The following CD163L1 variants were observed in gnomAD, a reference collection of about 807,000 sequenced individuals.
The protein encoded by CD163L1 is CD163 molecule like 1.
In CD163L1, 124 loss-of-function variants were observed where a neutral mutation model predicts 165.4. That is an observed-to-expected ratio of 0.75 (90% CI 0.65 to 0.87). The LOEUF is 0.87. Among genes scored for constraint, CD163L1 ranks in the 40% least tolerant of loss-of-function variants. CD163L1 has a pLI of 0.00. For synonymous variants in CD163L1, 585 were observed against 662.2 expected, an observed-to-expected ratio of 0.88 and a Z score of 1.79; for missense variants, 1,525 against 1,799.9, an observed-to-expected ratio of 0.85 and a Z score of 2.76.
In CD163L1 at chr12:7,372,743, T is replaced by C. The variant is rs1193997167; in HGVS notation, c.3730+577A>G. ...ACAAAAGGAAGACTAATAGTTAATG[T>C]TTCTGAATATTAGTAATGGTTATTT... On this transcript the variant is annotated intron_variant, in intron 14 of 19. Transcript: ENST00000313599. This position sits in a 1 kb window ranked among gnomAD's most constrained non-coding sequence, Gnocchi z 4.2. 1.3e-5 allele frequency among the ~76,000 whole-genome samples: 2 copies of C among 151,906 alleles called. 1 individual carries two copies. The highest frequency in any genetic ancestry group is 3.8e-4 in the East Asian group (2 of 5,198).
rs778624264 is a variant in CD163L1 at position 7,400,231 on chromosome 12, T to A, written c.1409-1647A>T. ...GCTACGGACATCCTTACACATAAAGTTTTGAGTATGTCACCAAGTGCTTCC... is the reference window on the plus strand; with the variant it reads ...GCTACGGACATCCTTACACATAAAGATTTGAGTATGTCACCAAGTGCTTCC... On this transcript the variant is annotated intron_variant, in intron 6 of 19. Transcript: ENST00000313599. This position sits in a 1 kb window ranked among gnomAD's most constrained non-coding sequence, Gnocchi z 4.1. Among the ~76,000 whole-genome samples, 13 of 152,294 alleles carry A rather than the reference T, an allele frequency of 8.5e-5. No homozygotes were observed. In the South Asian group the frequency reaches 1.7e-3, roughly 19 times the overall value.
At position 7,432,739 on chromosome 12, in the gene CD163L1, A is replaced by G; in HGVS notation, c.446-3T>C. The G allele has an allele frequency of 6.3e-7, 1 of 1,586,442 alleles. No individual in the cohort carries two copies. The highest frequency in any genetic ancestry group is 8.6e-7 in the Non-Finnish European group (1 of 1,166,932). On this transcript the variant is annotated splice_region_variant and splice_polypyrimidine_tract_variant and intron_variant, in intron 3 of 19. Transcript: ENST00000313599. This position sits in a 1 kb window ranked among gnomAD's most constrained non-coding sequence, Gnocchi z 4.2. ...CCTCAAACCCAGATTGGCTTCACCT[A>G]CGAGAAAGACAAGCAGACATATGAA...
chr12:7,411,389 A>G (rs1948135562), intron 4 of CD163L1, among the ~76,000 whole-genome samples: 1 of 152,138 alleles, frequency 6.6e-6, no homozygotes, highest in Non-Finnish European at 1.5e-5. Flanking sequence ...CTGAGGTTGA[A>G]ATGTGATTCC....
At chr12:7,342,245 G>A (rs1475975667), downstream of CD163L1, among the ~76,000 whole-genome samples, 2 of 152,212 alleles carry the variant, frequency 1.3e-5, no homozygotes, top group Non-Finnish European at 2.9e-5. Context: ...TGAGGGCAGG[G>A]AACAGCTGAC....
intron 18 of CD163L1, among the ~76,000 whole-genome samples, chr12:7,365,450 A>G (rs1946993970): frequency 6.6e-6 from 1 of 152,184 alleles, no homozygotes; most frequent in Non-Finnish European, 1.5e-5. Flanking sequence ...CTGCCAGCAA[A>G]GGAAACAATC....
chr12:7,337,030 A>G, the CD163L1 span, among the ~76,000 whole-genome samples: 1 of 152,192 alleles, frequency 6.6e-6, no homozygotes. Context: ...ATCGAGAACC[A>G]TCTGATCTTC....
At chr12:7,403,914 C>A in intron 5 of CD163L1, 59 bp from the exon 6 acceptor site, 1 of 1,432,788 alleles carries the variant, frequency 7.0e-7, no homozygotes, top group Non-Finnish European at 9.7e-7. Flanking sequence ...CATCAGCATC[C>A]CTCTCCTCCA....
intron 4 of CD163L1, among the ~76,000 whole-genome samples, chr12:7,421,066 TATATATAC>T (rs1948355815): frequency 9.3e-6 from 1 of 107,348 alleles, no homozygotes; most frequent in East Asian, 3.3e-4. Context: ...CGTATATATG[TATATATAC>T]GTATATATAT....
chr12:7,375,185 C>T (rs1488442601), intron 11 of CD163L1, 96 bp downstream of exon 11: 16 of 1,252,560 alleles, frequency 1.3e-5, no homozygotes, highest in Non-Finnish European at 1.8e-5. Flanking sequence ...TCCACCTGCA[C>T]CCCCATTTTC....
intron 4 of CD163L1, among the ~76,000 whole-genome samples, chr12:7,430,234 A>G (rs1160426786): frequency 6.6e-6 from 1 of 152,184 alleles, no homozygotes; most frequent in Non-Finnish European, 1.5e-5. Flanking sequence ...GAAAAAATAG[A>G]AGAAATTAGA....
intron 8 of CD163L1, among the ~76,000 whole-genome samples, chr12:7,390,748 G>T (rs749827857): frequency 6.6e-6 from 1 of 152,248 alleles, no homozygotes; most frequent in South Asian, 2.1e-4. Context: ...TCTTAGAAAA[G>T]AATGTATAGA....
downstream of CD163L1, among the ~76,000 whole-genome samples, chr12:7,343,119 G>C (rs775352079): frequency 1.3e-5 from 2 of 152,280 alleles, no homozygotes. Flanking sequence ...GGAAGAGAGA[G>C]AGAGAGAAGG....
At chr12:7,338,703 A>C in the CD163L1 span, among the ~76,000 whole-genome samples, 1 of 152,096 alleles carries the variant, frequency 6.6e-6, no homozygotes, top group Non-Finnish European at 1.5e-5. Context: ...TGGAAGGGAA[A>C]CTGCCTGAGA....
chr12:7,333,233 G>C, the CD163L1 span, among the ~76,000 whole-genome samples: 11 of 152,128 alleles, frequency 7.2e-5, no homozygotes, highest in Non-Finnish European at 1.2e-4. Context: ...TGACCGCATA[G>C]TTGGAAGTAA....
At chr12:7,417,341 A>G (rs906271864) in intron 4 of CD163L1, among the ~76,000 whole-genome samples, 1 of 152,166 alleles carries the variant, frequency 6.6e-6, no homozygotes, top group Admixed American at 6.6e-5. Flanking sequence ...TTTTCTAACT[A>G]TACAATCATG....
At chr12:7,408,360 C>T (rs1313742984) in intron 4 of CD163L1, among the ~76,000 whole-genome samples, 2 of 151,980 alleles carry the variant, frequency 1.3e-5, no homozygotes, top group Non-Finnish European at 2.9e-5. Context: ...TTACCCCATT[C>T]ACTCATTGAA....
At chr12:7,436,852 G>T (rs1452516034) in intron 2 of CD163L1, among the ~76,000 whole-genome samples, 1 of 151,706 alleles carries the variant, frequency 6.6e-6, no homozygotes, top group East Asian at 1.9e-4. Context: ...GAAATACAAA[G>T]CAATTAAATA....
intron 8 of CD163L1, among the ~76,000 whole-genome samples, chr12:7,395,428 C>G (rs554471394): frequency 2.0e-5 from 3 of 152,028 alleles, no homozygotes; most frequent in Non-Finnish European, 4.4e-5. Context: ...GGAACATCAC[C>G]CACTGGGGCC....
At chr12:7,335,703 C>T in the CD163L1 span, among the ~76,000 whole-genome samples, 6 of 152,128 alleles carry the variant, frequency 3.9e-5, no homozygotes, top group South Asian at 4.1e-4. Flanking sequence ...AAAGAAACTA[C>T]CATCAGAGTG....
Sources: gnomAD v4.1 joint callset for allele counts (sites outside exome capture counted in the v4.1 genomes callset) on GRCh38, gnomAD v4.1.1 for gene constraint, Gnocchi (gnomAD v3.1) non-coding constraint, MANE v1.5 for transcripts, NCBI Gene and HGNC (gene_info 2026-07-23, HGNC 2026-07-21) for gene names.